The following TMEM181 variants were observed in gnomAD, a reference collection of about 807,000 sequenced individuals.
TMEM181 encodes transmembrane protein 181.
Under a neutral mutation model 71.9 loss-of-function variants are expected in TMEM181, and 39 were observed. The ratio of observed to expected loss-of-function variants is 0.54; its 90% CI spans 0.42 to 0.71. The LOEUF is 0.71. Ranked by LOEUF, TMEM181 falls within the 30% of genes least tolerant of loss-of-function variation. The probability of loss-of-function intolerance (pLI) is 0.00; values close to 1 mark genes in which losing one functional copy is unlikely to be tolerated. For missense variants in TMEM181, 595 were observed against 583.0 expected, an observed-to-expected ratio of 1.02 and a Z score of -0.21; for synonymous variants, 245 against 228.8, an observed-to-expected ratio of 1.07 and a Z score of -0.64.
intron 2 of TMEM181, 58 bp from the exon 3 acceptor site, chr6:158,580,882 A>T (rs1783432104): frequency 6.6e-7 from 1 of 1,513,178 alleles, no homozygotes. Context: ...TTTGGAAAAA[A>T]ATACTAAATT....
chr6:158,576,625 C>T (rs780389975), intron 2 of TMEM181, among the ~76,000 whole-genome samples: 14 of 152,104 alleles, frequency 9.2e-5, no homozygotes, highest in Non-Finnish European at 1.9e-4. Flanking sequence ...AAGTTTAAAC[C>T]TCAGGCTGAT....
At chr6:158,583,826 A>C in intron 3 of TMEM181, 128 bp from the exon 4 acceptor site, 1 of 617,194 alleles carries the variant, frequency 1.6e-6, no homozygotes, top group East Asian at 2.9e-5. Context: ...AAAACCTCAC[A>C]TATTTCTGTT....
chr6:158,611,810 C>T (rs368041650), intron 10 of TMEM181: 83 of 192,716 alleles, frequency 4.3e-4, no homozygotes, highest in Admixed American at 3.3e-4. Context: ...GCCTTCTGGC[C>T]GAGTTAGGTC....
At chr6:158,544,974 C>T (rs1305475447) in intron 1 of TMEM181, among the ~76,000 whole-genome samples, 2 of 152,192 alleles carry the variant, frequency 1.3e-5, no homozygotes, top group Non-Finnish European at 2.9e-5. Flanking sequence ...CGTGAAAATG[C>T]CCTGGCAAGA....
intron 6 of TMEM181, among the ~76,000 whole-genome samples, chr6:158,604,719 ACTTTCTTTT>A (rs1784851306): frequency 6.6e-6 from 1 of 152,138 alleles, no homozygotes; most frequent in Admixed American, 6.5e-5. Flanking sequence ...ATCTTTTAAA[ACTTTCTTTT>A]GATGGAAAGT....
At chr6:158,629,983 G>T (rs1229901965) in intron 15 of TMEM181, among the ~76,000 whole-genome samples, 164 bp downstream of exon 15, 2 of 152,172 alleles carry the variant, frequency 1.3e-5, no homozygotes, top group Non-Finnish European at 2.9e-5. Flanking sequence ...TCTGAGGTGA[G>T]TTGGGGCCCA....
chr6:158,600,458 A>ATTTTTTTTTTTTTTTTT (rs61457107), intron 6 of TMEM181, among the ~76,000 whole-genome samples: 1 of 91,870 alleles, frequency 1.1e-5, no homozygotes, highest in Non-Finnish European at 2.2e-5. Context: ...CCTAGGGTTA[A>ATTTTTTTTTTTTTTTTT]TTTTTTTTTT....
At chr6:158,570,233 CTTT>C (rs542922209) in intron 1 of TMEM181, among the ~76,000 whole-genome samples, 4 of 136,690 alleles carry the variant, frequency 2.9e-5, no homozygotes, top group African/African-American at 2.7e-5. Flanking sequence ...TTTCCGTACA[CTTT>C]TTTTTTTTTT....
intron 6 of TMEM181, among the ~76,000 whole-genome samples, chr6:158,591,167 TTC>T (rs1486805126): frequency 6.6e-6 from 1 of 152,232 alleles, no homozygotes; most frequent in Non-Finnish European, 1.5e-5. Context: ...ATGAGTTTTT[TTC>T]TCTGTCTACC....
chr6:158,567,552 G>C (rs1291086152), intron 1 of TMEM181, among the ~76,000 whole-genome samples: 1 of 152,222 alleles, frequency 6.6e-6, no homozygotes, highest in African/African-American at 2.4e-5. Context: ...GTGGGACACA[G>C]CTGAACCCTG....
chr6:158,564,072 C>G (rs1480418950), intron 1 of TMEM181, among the ~76,000 whole-genome samples: 1 of 152,256 alleles, frequency 6.6e-6, no homozygotes, highest in African/African-American at 2.4e-5. Flanking sequence ...GCCACTGCGC[C>G]TGGCTTGTAC....
In TMEM181 at chr6:158,567,959, C is replaced by T. The variant is rs554068350; in HGVS notation, c.9-5461C>T. 5.3e-5 allele frequency among the ~76,000 whole-genome samples: 8 copies of T among 152,140 alleles called. No homozygotes were observed. In the East Asian group the frequency reaches 9.7e-4, roughly 18 times the overall value. On this transcript the variant is annotated intron_variant, in intron 1 of 16. Coordinates refer to ENST00000684151, the MANE Select transcript of TMEM181 (RefSeq NM_001376852.1). Reference sequence around the variant, plus strand: ...ATGGAGTTGGCTGCGGGGCACTGTACGCTTCCTGAGCAGGGCGAGGCTGTT... The same window carrying T: ...ATGGAGTTGGCTGCGGGGCACTGTATGCTTCCTGAGCAGGGCGAGGCTGTT...
At chr6:158,602,159 T>G (rs545273661) in intron 6 of TMEM181, among the ~76,000 whole-genome samples, 1 of 152,344 alleles carries the variant, frequency 6.6e-6, no homozygotes, top group African/African-American at 2.4e-5. Flanking sequence ...GTAACTGGAA[T>G]TATACAATAT....
chr6:158,629,886 C>T (rs1008314512), intron 15 of TMEM181, 67 bp downstream of exon 15: 3 of 1,333,352 alleles, frequency 2.2e-6, no homozygotes, highest in South Asian at 2.3e-5. Context: ...TCATCCACGA[C>T]CCACTTCCCG....
chr6:158,569,385 T>TA (rs1402758030), intron 1 of TMEM181, among the ~76,000 whole-genome samples: 1 of 152,238 alleles, frequency 6.6e-6, no homozygotes, highest in African/African-American at 2.4e-5. Context: ...CAGGCGGTTA[T>TA]ACCCAGCTTA....
intron 1 of TMEM181, among the ~76,000 whole-genome samples, chr6:158,537,107 C>T (rs1270986273): frequency 6.6e-6 from 1 of 151,918 alleles, no homozygotes. Context: ...GCCCGGCGCC[C>T]CCGGGCGAAG....
intron 7 of TMEM181, among the ~76,000 whole-genome samples, chr6:158,607,010 G>A (rs1201157583): frequency 2.0e-5 from 3 of 152,206 alleles, no homozygotes; most frequent in Non-Finnish European, 2.9e-5. Context: ...AGGACAGCTC[G>A]GAACCTGTCT....
At chr6:158,629,873 T>G (rs1786564543) in intron 15 of TMEM181, 54 bp downstream of exon 15, 5 of 1,452,344 alleles carry the variant, frequency 3.4e-6, no homozygotes, top group Non-Finnish European at 3.9e-6. Flanking sequence ...CAGAGGCCTG[T>G]GTTCATCCAC....
At chr6:158,606,403 A>T (rs1784963118) in intron 7 of TMEM181, among the ~76,000 whole-genome samples, 1 of 152,238 alleles carries the variant, frequency 6.6e-6, no homozygotes, top group Non-Finnish European at 1.5e-5. Context: ...GTGTCTGGGC[A>T]GCCAGAAACA....
Sources: gnomAD v4.1 joint callset for allele counts (sites outside exome capture counted in the v4.1 genomes callset) on GRCh38, gnomAD v4.1.1 for gene constraint, MANE v1.5 for transcripts, NCBI Gene and HGNC (gene_info 2026-07-23, HGNC 2026-07-21) for gene names.